Variants in RELN observed in about 807,000 individuals in gnomAD.
RELN encodes the protein reelin.
In RELN, 108 loss-of-function variants were observed where a neutral mutation model predicts 427.6. That is an observed-to-expected ratio of 0.25 (90% confidence interval 0.22 to 0.30). The LOEUF (loss-of-function observed/expected upper bound fraction) is 0.30, where lower values mean the gene tolerates loss of function less well. RELN is among the 10% of genes least tolerant of loss of function. The pLI is 1.00. For missense variants in RELN, 3,715 were observed against 4,302.8 expected (o/e 0.86, Z 3.82); for synonymous variants, 1,524 against 1,513.4 (o/e 1.01, Z -0.16).
intron 1 of RELN, among the ~76,000 whole-genome samples, chr7:103,960,011 C>T (rs1303419157): frequency 1.3e-5 from 2 of 152,190 alleles, no homozygotes. Context: ...CCTAACGGGT[C>T]TTTCTGCCTC....
intron 1 of RELN, among the ~76,000 whole-genome samples, chr7:103,966,368 T>C (rs1164643139): frequency 4.6e-5 from 7 of 152,142 alleles, no homozygotes; most frequent in African/African-American, 1.2e-4. Context: ...ATTAGATACA[T>C]GGATGAACCT....
chr7:103,583,139 T>C (rs1004527191), intron 28 of RELN, among the ~76,000 whole-genome samples: 1 of 152,200 alleles, frequency 6.6e-6, no homozygotes, highest in South Asian at 2.1e-4. Flanking sequence ...GGAAATATTG[T>C]TGAATGGCAA....
chr7:103,613,355 G>A (rs1832006337), intron 20 of RELN, among the ~76,000 whole-genome samples: 1 of 152,028 alleles, frequency 6.6e-6, no homozygotes, highest in Non-Finnish European at 1.5e-5. Context: ...CTAACTTTCA[G>A]TTACTATGCA....
At chr7:103,525,319 T>G (rs1439110887) in intron 46 of RELN, among the ~76,000 whole-genome samples, 1 of 152,200 alleles carries the variant, frequency 6.6e-6, no homozygotes, top group Non-Finnish European at 1.5e-5. Flanking sequence ...GTTATACATT[T>G]ATTTGCATAC....
At chr7:103,894,702 G>A (rs1794922102) in intron 2 of RELN, among the ~76,000 whole-genome samples, 1 of 152,112 alleles carries the variant, frequency 6.6e-6, no homozygotes. Flanking sequence ...AAAATGCAGA[G>A]GCAGCTGTGG....
intron 6 of RELN, among the ~76,000 whole-genome samples, chr7:103,729,316 G>T (rs980094459): frequency 6.6e-6 from 1 of 152,064 alleles, no homozygotes; most frequent in African/African-American, 2.4e-5. Flanking sequence ...AAAAGGAGTA[G>T]AACACCCATC....
chr7:103,591,811 T>C (rs1221990320), intron 27 of RELN, among the ~76,000 whole-genome samples: 1 of 152,186 alleles, frequency 6.6e-6, no homozygotes, highest in African/African-American at 2.4e-5. Context: ...TACTCTCAGC[T>C]GTATTAAACA....
chr7:103,703,801 CT>C (rs1265520338), intron 8 of RELN, among the ~76,000 whole-genome samples: 15 of 152,110 alleles, frequency 9.9e-5, no homozygotes, highest in Admixed American at 9.8e-4. Context: ...TAATGGAGAA[CT>C]TTGGCTATTA....
intron 10 of RELN, among the ~76,000 whole-genome samples, chr7:103,690,563 T>C (rs1319064026): frequency 6.6e-6 from 1 of 152,108 alleles, no homozygotes. Flanking sequence ...TTGATTATTC[T>C]AGAAATCATA....
At chr7:103,585,508 A>C (rs746968409) in intron 28 of RELN, among the ~76,000 whole-genome samples, 10 of 152,222 alleles carry the variant, frequency 6.6e-5, no homozygotes, top group Non-Finnish European at 1.5e-4. Context: ...ACTAGGAAGA[A>C]ATAGAAATTG....
Position 103,682,252 on chromosome 7 carries a change from G to C in RELN, c.1153C>G (p.Gln385Glu), listed in dbSNP as rs1833669763. 5 of 1,614,032 alleles carry C rather than the reference G, an allele frequency of 3.1e-6. No homozygotes were observed. Among genetic ancestry groups the C allele is most frequent in the Non-Finnish European group, 4.2e-6 (5 of 1,179,924 alleles). Reference protein sequence around the residue: ...FPGATVKHSCQSDGNSIYFHG... With the variant: ...FPGATVKHSCESDGNSIYFHG... ...AAATAAATGGAGTTCCCATCTGACT[G>C]ACAGCTATGCTGTAGGTGAAAAGAG... Residue 385 changes from glutamine to glutamate, a missense_variant, in exon 11 of 65, where the codon CAG becomes GAG. Around this residue, in one of 4 missense-constraint regions of RELN, gnomAD observed 2,208 missense variants for 2,361.7 expected, o/e 0.93. Transcript: ENST00000428762.
At chr7:103,720,075 A>G (rs920247482) in intron 8 of RELN, among the ~76,000 whole-genome samples, 4 of 151,852 alleles carry the variant, frequency 2.6e-5, no homozygotes, top group Admixed American at 6.6e-5. Flanking sequence ...TACATAATCT[A>G]TATACACATG....
rs112478416 is a variant in RELN at position 103,845,562 on chromosome 7, C to G, written c.338-11890G>C. Reference sequence around the variant, plus strand: ...AAAGTGATCTGTCACCCATTTAGTTCATGACAGTGTTCTCAATCTATTTTT... The same window carrying G: ...AAAGTGATCTGTCACCCATTTAGTTGATGACAGTGTTCTCAATCTATTTTT... On this transcript the variant is annotated intron_variant, in intron 2 of 64. Transcript: ENST00000428762. Among the ~76,000 whole-genome samples, 253 of 152,270 alleles carry G rather than the reference C, an allele frequency of 1.7e-3. 1 individual carries two copies. The highest frequency in any genetic ancestry group is 5.9e-3 in the African/African-American group (245 of 41,562).
chr7:103,874,158 C>G (rs1429941779), intron 2 of RELN, among the ~76,000 whole-genome samples: 5 of 137,094 alleles, frequency 3.6e-5, no homozygotes, highest in East Asian at 2.5e-4. Context: ...ATTCAACAAC[C>G]CTTCATGCTA....
intron 10 of RELN, among the ~76,000 whole-genome samples, chr7:103,682,798 TAA>T (rs1833683563): frequency 6.6e-6 from 1 of 152,194 alleles, no homozygotes; most frequent in Non-Finnish European, 1.5e-5. Context: ...AGTTTCTGAG[TAA>T]AAGTTTCTGA....
At chr7:103,700,799 C>T (rs1417601912) in intron 9 of RELN, 111 bp downstream of exon 9, 2 of 756,666 alleles carry the variant, frequency 2.6e-6, no homozygotes, top group African/African-American at 1.7e-5. Context: ...TAATTAACAA[C>T]CAGAGTCCTT....
intron 1 of RELN, among the ~76,000 whole-genome samples, chr7:103,960,563 T>C (rs1005292030): frequency 6.6e-6 from 1 of 152,236 alleles, no homozygotes; most frequent in African/African-American, 2.4e-5. Flanking sequence ...AGAAAATATC[T>C]GGCATATTTG....
chr7:103,735,858 T>C (rs982299053), intron 6 of RELN, among the ~76,000 whole-genome samples: 1 of 152,220 alleles, frequency 6.6e-6, no homozygotes, highest in Non-Finnish European at 1.5e-5. Context: ...AGAAGCAATC[T>C]GGCATTCTAT....
At chr7:103,755,619 A>AT (rs1477820281) in intron 4 of RELN, among the ~76,000 whole-genome samples, 2,884 of 19,750 alleles carry the variant, frequency 0.15, 145 homozygotes, top group African/African-American at 0.39. Context: ...AAAAAAAAAT[A>AT]AAAAAAATAA....
Sources: gnomAD v4.1 joint callset for allele counts (sites outside exome capture counted in the v4.1 genomes callset) on GRCh38, gnomAD v4.1.1 for gene constraint, gnomAD v4.1.1 regional missense constraint, MANE v1.5 for transcripts, NCBI Gene and HGNC (gene_info 2026-07-23, HGNC 2026-07-21) for gene names.